SIL1: variants seen among roughly 807,000 people sequenced by gnomAD.
The protein encoded by SIL1 is SIL1 nucleotide exchange factor.
SIL1 carries 40 observed loss-of-function variants against 49.1 expected under a neutral mutation model. The ratio of observed to expected loss-of-function variants is 0.81; its 90% CI spans 0.63 to 1.06. The LOEUF (loss-of-function observed/expected upper bound fraction) is 1.06, where lower values mean the gene tolerates loss of function less well. SIL1 is among the 50% of genes least tolerant of loss of function. The probability of loss-of-function intolerance (pLI) is 0.00; values close to 1 mark genes in which losing one functional copy is unlikely to be tolerated. For synonymous variants in SIL1, 253 were observed against 250.8 expected, an observed-to-expected ratio of 1.01 and a Z score of -0.08; for missense variants, 500 against 572.6, an observed-to-expected ratio of 0.87 and a Z score of 1.29.
intron 3 of SIL1, among the ~76,000 whole-genome samples, chr5:139,114,503 C>T (rs757758353): frequency 1.3e-5 from 2 of 152,194 alleles, no homozygotes; most frequent in Non-Finnish European, 2.9e-5. Context: ...ATCCTTCCAT[C>T]CCCCAAGTGG....
chr5:139,109,820 T>A (rs530575623), intron 3 of SIL1, among the ~76,000 whole-genome samples: 12 of 147,038 alleles, frequency 8.2e-5, no homozygotes, highest in African/African-American at 3.0e-4. Flanking sequence ...CATTCTAGGA[T>A]CCTCTCAGTC....
At chr5:139,030,171 T>A (rs1768755475) in intron 5 of SIL1, among the ~76,000 whole-genome samples, 1 of 151,822 alleles carries the variant, frequency 6.6e-6, no homozygotes, top group African/African-American at 2.4e-5. Context: ...ACAAAAATTA[T>A]TTGAATTTTT....
At chr5:139,181,864 C>G (rs1270896984) in intron 1 of SIL1, among the ~76,000 whole-genome samples, 3 of 152,102 alleles carry the variant, frequency 2.0e-5, no homozygotes, top group Non-Finnish European at 2.9e-5. Context: ...CACATTAGCC[C>G]TATTAAAGTA....
At chr5:138,996,242 C>A (rs1767868394) in intron 7 of SIL1, among the ~76,000 whole-genome samples, 1 of 152,160 alleles carries the variant, frequency 6.6e-6, no homozygotes, top group Non-Finnish European at 1.5e-5. Context: ...GAGATGATAT[C>A]CCATTGTGAT....
At position 139,042,722 on chromosome 5, in the gene SIL1, G is replaced by T; in HGVS notation, c.354-3C>A. The stretch of plus-strand genomic sequence containing the variant: ...AGGTGTTGGTGTTGATATCCAGCCT[G>T]TCCAAAGAAAACTGAGAGTAAAGAG... On this transcript the variant is annotated splice_polypyrimidine_tract_variant and splice_region_variant and intron_variant, in intron 4 of 9. Coordinates refer to ENST00000394817, the MANE Select transcript of SIL1 (RefSeq NM_022464.5). 6.2e-7 allele frequency: 1 copy of T among 1,613,880 alleles called. No homozygotes were observed. The highest frequency in any genetic ancestry group is 1.3e-5 in the African/African-American group (1 of 74,982).
At chr5:139,161,707 C>T (rs11960168) in intron 1 of SIL1, among the ~76,000 whole-genome samples, 53,070 of 151,906 alleles carry the variant, frequency 0.35, 11,581 homozygotes, top group South Asian at 0.51. Flanking sequence ...GGAGCACTTC[C>T]CTAGAAAAGC....
intron 1 of SIL1, among the ~76,000 whole-genome samples, chr5:139,192,856 A>G (rs1326183467): frequency 2.0e-5 from 3 of 151,628 alleles, no homozygotes; most frequent in African/African-American, 7.3e-5. Context: ...AATTAGCCAG[A>G]TGTGGTGGCA....
At chr5:139,171,696 A>AT (rs531044446) in intron 1 of SIL1, among the ~76,000 whole-genome samples, 4 of 151,706 alleles carry the variant, frequency 2.6e-5, no homozygotes, top group Non-Finnish European at 4.4e-5. Context: ...AGAATGATCA[A>AT]TAAAAAAAAA....
At chr5:139,125,600 T>C (rs931140760) in intron 2 of SIL1, among the ~76,000 whole-genome samples, 15 of 152,212 alleles carry the variant, frequency 9.9e-5, no homozygotes, top group African/African-American at 3.6e-4. Context: ...ATTGGCCATA[T>C]TGTGCCAGTT....
chr5:138,961,558 G>A (rs1031315446), intron 7 of SIL1, among the ~76,000 whole-genome samples: 5 of 151,808 alleles, frequency 3.3e-5, no homozygotes, highest in Non-Finnish European at 7.4e-5. Context: ...AGCTGCACAG[G>A]CGCCTTTGTT....
chr5:139,189,404 G>A (rs1752129672), intron 1 of SIL1, among the ~76,000 whole-genome samples: 1 of 152,206 alleles, frequency 6.6e-6, no homozygotes, highest in Non-Finnish European at 1.5e-5. Flanking sequence ...AGAATCTAAT[G>A]CCTGATGATC....
At chr5:139,136,887 G>A (rs1750985059) in intron 1 of SIL1, among the ~76,000 whole-genome samples, 1 of 152,170 alleles carries the variant, frequency 6.6e-6, no homozygotes, top group African/African-American at 2.4e-5. Context: ...TTGATGAAGA[G>A]CTACCCCACA....
At chr5:139,120,949 C>A (rs1458218815) in intron 3 of SIL1, 86 bp downstream of exon 3, 1 of 1,551,032 alleles carries the variant, frequency 6.4e-7, no homozygotes, top group Admixed American at 1.7e-5. Context: ...AGAAGAGCAG[C>A]CTGAAGGAGC....
intron 3 of SIL1, chr5:139,107,977 G>C (rs1175175600): frequency 6.6e-6 from 1 of 152,152 alleles, no homozygotes; most frequent in Non-Finnish European, 1.5e-5. Context: ...GTGAACCCAG[G>C]TAGACTGACT....
At chr5:139,008,055 C>T (rs1247900347) in intron 7 of SIL1, among the ~76,000 whole-genome samples, 2 of 152,118 alleles carry the variant, frequency 1.3e-5, no homozygotes, top group African/African-American at 4.8e-5. Context: ...CCTCCCTGTA[C>T]CTCTGGTAGA....
At chr5:139,183,330 G>A (rs915963051) in intron 1 of SIL1, among the ~76,000 whole-genome samples, 2 of 152,210 alleles carry the variant, frequency 1.3e-5, no homozygotes, top group African/African-American at 4.8e-5. Context: ...AGGACTAACA[G>A]AAGTAAAAAG....
chr5:139,035,185 T>C (rs946497377), intron 5 of SIL1: 2 of 387,324 alleles, frequency 5.2e-6, no homozygotes, highest in Non-Finnish European at 1.0e-5. Flanking sequence ...ACTGTTGATG[T>C]CATCTATGAT....
At chr5:139,068,657 A>T (rs1490716965) in intron 3 of SIL1, among the ~76,000 whole-genome samples, 1 of 104,110 alleles carries the variant, frequency 9.6e-6, no homozygotes, top group Non-Finnish European at 1.8e-5. Flanking sequence ...ATGAAAAGGA[A>T]AAAAAAAAAA....
intron 3 of SIL1, among the ~76,000 whole-genome samples, chr5:139,087,826 A>G (rs1157581974): frequency 6.6e-6 from 1 of 152,176 alleles, no homozygotes; most frequent in Non-Finnish European, 1.5e-5. Flanking sequence ...CCCTTACACC[A>G]AGTTCTCAAA....
Sources: gnomAD v4.1 joint callset for allele counts (sites outside exome capture counted in the v4.1 genomes callset) on GRCh38, gnomAD v4.1.1 for gene constraint, MANE v1.5 for transcripts, NCBI Gene and HGNC (gene_info 2026-07-23, HGNC 2026-07-21) for gene names.